PTPRM: variants seen among roughly 807,000 people sequenced by gnomAD.
PTPRM encodes receptor-type tyrosine-protein phosphatase mu.
In PTPRM, 47 loss-of-function variants were observed where a neutral mutation model predicts 186.7. The ratio of observed to expected loss-of-function variants is 0.25; its 90% confidence interval spans 0.20 to 0.32. The LOEUF (loss-of-function observed/expected upper bound fraction) is 0.32. PTPRM is among the 10% of genes least tolerant of loss of function. The pLI is 1.00. For synonymous variants in PTPRM, 668 were observed against 674.9 expected (o/e 0.99, Z 0.16); for missense variants, 1,494 against 1,865.0 (o/e 0.80, Z 3.66).
chr18:8,331,104 T>C (rs1598330978), intron 22 of PTPRM, among the ~76,000 whole-genome samples: 1 of 1,534 alleles, frequency 6.5e-4, no homozygotes, highest in African/African-American at 6.8e-4. Flanking sequence ...ATAGAAACCT[T>C]TTTGCATTCC....
chr18:8,339,279 G>T (rs563509939), intron 22 of PTPRM, among the ~76,000 whole-genome samples: 1 of 151,776 alleles, frequency 6.6e-6, no homozygotes, highest in Non-Finnish European at 1.5e-5. Context: ...GTCTCTGTGT[G>T]CCTGCCAGCT....
chr18:7,783,496 G>A (rs2042950724), intron 2 of PTPRM, among the ~76,000 whole-genome samples: 1 of 152,164 alleles, frequency 6.6e-6, no homozygotes, highest in African/African-American at 2.4e-5. Flanking sequence ...AGACCAGAAA[G>A]TCCAACGCCT....
At position 7,605,053 on chromosome 18, in the gene PTPRM, G is replaced by A. The variant is rs532075271; in HGVS notation, c.73+37162G>A. On this transcript the variant is annotated intron_variant, in intron 1 of 32. Transcript: ENST00000580170. The stretch of plus-strand genomic sequence containing the variant: ...TGCAACACAGGTGAATTTTTTAATA[G>A]GATATACTAAGTAAGTTTAATCTCT... 3.4e-4 allele frequency among the ~76,000 whole-genome samples: 51 copies of A among 152,226 alleles called. 1 individual carries two copies. The highest frequency in any genetic ancestry group is 1.6e-3 in the Admixed American group (25 of 15,280).
intron 7 of PTPRM, among the ~76,000 whole-genome samples, chr18:7,959,045 G>A (rs888111550): frequency 1.5e-4 from 23 of 152,092 alleles, no homozygotes; most frequent in African/African-American, 5.6e-4. Flanking sequence ...AACCCTCTCT[G>A]GGCCTGAGTT....
intron 7 of PTPRM, among the ~76,000 whole-genome samples, chr18:7,960,684 G>C (rs969117647): frequency 6.6e-6 from 1 of 151,918 alleles, no homozygotes; most frequent in Admixed American, 6.6e-5. Context: ...CTTGAGCCCA[G>C]GAGTTGGAGA....
intron 14 of PTPRM, among the ~76,000 whole-genome samples, chr18:8,237,453 TTTTTTTTTTC>T (rs1433764318): frequency 4.8e-5 from 4 of 82,614 alleles, no homozygotes; most frequent in African/African-American, 1.4e-4. Context: ...TTTTTTTTTT[TTTTTTTTTTC>T]CTGAGACAGA....
intron 2 of PTPRM, among the ~76,000 whole-genome samples, chr18:7,824,482 G>A (rs1359399597): frequency 6.6e-6 from 1 of 152,158 alleles, no homozygotes; most frequent in Non-Finnish European, 1.5e-5. Context: ...TTTGTAAGAA[G>A]AGATCTTTTA....
At chr18:8,188,127 G>T (rs189623925) in intron 14 of PTPRM, among the ~76,000 whole-genome samples, 1 of 152,254 alleles carries the variant, frequency 6.6e-6, no homozygotes, top group Admixed American at 6.5e-5. Flanking sequence ...AGATATTTAT[G>T]GAGAGGCAGA....
intron 2 of PTPRM, among the ~76,000 whole-genome samples, chr18:7,839,411 T>C (rs1189236452): frequency 6.6e-6 from 1 of 152,160 alleles, no homozygotes; most frequent in East Asian, 1.9e-4. Context: ...GGTGATGAAT[T>C]CTGCCAGGAC....
intron 22 of PTPRM, among the ~76,000 whole-genome samples, chr18:8,324,953 C>T (rs1348405453): frequency 6.6e-6 from 1 of 152,170 alleles, no homozygotes; most frequent in East Asian, 1.9e-4. Flanking sequence ...GAGCAAATGC[C>T]ATGTATGCGT....
At chr18:7,586,988 C>T (rs932735104) in intron 1 of PTPRM, among the ~76,000 whole-genome samples, 2 of 152,112 alleles carry the variant, frequency 1.3e-5, no homozygotes, top group African/African-American at 4.8e-5. Flanking sequence ...CATTTTCTTT[C>T]CCTATAGAAT....
chr18:7,607,567 A>G (rs1448555525), intron 1 of PTPRM, among the ~76,000 whole-genome samples: 1 of 152,164 alleles, frequency 6.6e-6, no homozygotes, highest in East Asian at 1.9e-4. Context: ...GTGCTTCACA[A>G]TTAGTGATGT....
chr18:8,013,708 G>A (rs1411148140), intron 7 of PTPRM, among the ~76,000 whole-genome samples: 1 of 152,176 alleles, frequency 6.6e-6, no homozygotes. Flanking sequence ...TGGCCACTGT[G>A]AAGGAGGAAC....
At chr18:8,078,067 G>A (rs946507894) in intron 9 of PTPRM, among the ~76,000 whole-genome samples, 1 of 152,182 alleles carries the variant, frequency 6.6e-6, no homozygotes, top group Non-Finnish European at 1.5e-5. Flanking sequence ...GAACAGATTG[G>A]TTCAGTTTTG....
At chr18:8,074,668 T>C (rs2089694398) in intron 8 of PTPRM, among the ~76,000 whole-genome samples, 2 of 152,228 alleles carry the variant, frequency 1.3e-5, no homozygotes, top group Non-Finnish European at 2.9e-5. Flanking sequence ...ACTGAGTATC[T>C]TTTCCTGTGC....
rs973211688 is a variant in PTPRM at position 8,121,260 on chromosome 18, G to C, written c.2167+6433G>C. Among the ~76,000 whole-genome samples, 7 of 152,136 alleles carry C rather than the reference G, an allele frequency of 4.6e-5. No homozygotes were observed. The East Asian group carries it at 1.3e-3, about 29-fold the overall frequency. On this transcript the variant is annotated intron_variant, in intron 13 of 32. Coordinates refer to ENST00000580170, the MANE Select transcript of PTPRM (RefSeq NM_001105244.2). Reference sequence around the variant, plus strand: ...CAAAATATTATGCAGCAGCAGTTTTGGGTTTAATTGTCTGCAGATGGTAGA... The same window carrying C: ...CAAAATATTATGCAGCAGCAGTTTTCGGTTTAATTGTCTGCAGATGGTAGA...
At chr18:8,094,370 A>G (rs2090911052) in intron 11 of PTPRM, among the ~76,000 whole-genome samples, 1 of 151,964 alleles carries the variant, frequency 6.6e-6, no homozygotes, top group East Asian at 1.9e-4. Flanking sequence ...CTGTCTCAAA[A>G]AAAAAAAAGA....
In PTPRM at chr18:8,401,621, C is replaced by T. The variant is rs376008004; in HGVS notation, c.4345-4488C>T. ...GCTATTCTCTTTGAACCTTTGGAGG[C>T]CGTTGATGTGGTGTTTGAAGTGCCC... On this transcript the variant is annotated intron_variant, in intron 32 of 32. Coordinates refer to ENST00000580170, the MANE Select transcript of PTPRM (RefSeq NM_001105244.2). Among the ~76,000 whole-genome samples the T allele has an allele frequency of 3.3e-5, 5 of 152,174 alleles. No homozygotes were observed. The South Asian group carries it at 1.0e-3, about 32-fold the overall frequency.
At chr18:7,625,174 G>T (rs189648776) in intron 1 of PTPRM, among the ~76,000 whole-genome samples, 1 of 152,104 alleles carries the variant, frequency 6.6e-6, no homozygotes, top group South Asian at 2.1e-4. Flanking sequence ...AAAACATAAA[G>T]GTCTTTTTAA....
Sources: allele counts gnomAD v4.1 joint callset (sites outside exome capture counted in the v4.1 genomes callset), GRCh38; gene constraint gnomAD v4.1.1; transcripts MANE v1.5; gene names NCBI Gene and HGNC (gene_info 2026-07-23, HGNC 2026-07-21).